The following CIPC variants were observed in gnomAD, a reference collection of about 807,000 sequenced individuals.
CIPC encodes CLOCK interacting pacemaker.
In CIPC, 12 loss-of-function variants were observed where a neutral mutation model predicts 26.7. That is an observed-to-expected ratio of 0.45 (90% CI 0.29 to 0.73). The LOEUF is 0.73. Among genes scored for constraint, CIPC ranks in the 30% least tolerant of loss-of-function variants. The pLI, the probability that CIPC is intolerant of heterozygous loss-of-function variation, is 0.12. For synonymous variants in CIPC, 170 were observed against 189.8 expected (o/e 0.90, Z 0.86); for missense variants, 417 against 486.5 (o/e 0.86, Z 1.34).
chr14:77,101,097 G>C (rs1033190938), intron 1 of CIPC, among the ~76,000 whole-genome samples: 5 of 152,216 alleles, frequency 3.3e-5, no homozygotes, highest in Non-Finnish European at 7.3e-5. Context: ...CAGTGGGTAA[G>C]AGCTTAGTAA....
chr14:77,112,871 C>T (rs1443715907), intron 3 of CIPC, among the ~76,000 whole-genome samples: 4 of 152,044 alleles, frequency 2.6e-5, no homozygotes, highest in East Asian at 3.9e-4. Flanking sequence ...CCACCAAGCC[C>T]AGCTAATTTT....
intron 2 of CIPC, among the ~76,000 whole-genome samples, chr14:77,108,490 G>A (rs1256176443): frequency 3.3e-5 from 5 of 152,014 alleles, no homozygotes; most frequent in Admixed American, 6.6e-5. Flanking sequence ...TCAGGAATTC[G>A]AGACCAGCCT....
At chr14:77,108,643 A>G (rs1025223346) in intron 2 of CIPC, among the ~76,000 whole-genome samples, 10 of 152,000 alleles carry the variant, frequency 6.6e-5, no homozygotes, top group African/African-American at 2.4e-4. Context: ...GTGAGCTAAG[A>G]TCATGCCATT....
At chr14:77,107,565 G>A (rs1306975111) in intron 2 of CIPC, among the ~76,000 whole-genome samples, 2 of 151,698 alleles carry the variant, frequency 1.3e-5, no homozygotes, top group East Asian at 3.9e-4. Flanking sequence ...CTATACAAAA[G>A]CAAATGAATA....
intron 1 of CIPC, chr14:77,099,243 A>C (rs1035573805): frequency 2.0e-5 from 3 of 152,322 alleles, no homozygotes; most frequent in Admixed American, 1.3e-4. Context: ...GCAGCAGGGG[A>C]TCGGAGAAAG....
chr14:77,110,192 G>A (rs1301834370), intron 3 of CIPC, among the ~76,000 whole-genome samples: 7 of 152,006 alleles, frequency 4.6e-5, no homozygotes, highest in Admixed American at 1.3e-4. Context: ...CATGACATGC[G>A]TTCTCATTTT....
chr14:77,114,242 T>C lies in CIPC; in HGVS notation c.1124T>C (p.Leu375Pro), dbSNP rs1886762952. Residue 375 changes from leucine to proline, a missense_variant, in exon 4 of 4, where the codon CTG becomes CCG. Leu to Pro is a moderately conservative substitution (Grantham distance 98). Transcript: ENST00000361786. ...AGGGCCCCTCAGGCTTGGGCCAAGC[T>C]GCAGGCATCTTTAACACCTGGGTCC... The part of the protein sequence containing the change: ...KSRAPQAWAK[L>P]QASLTPGSSN... 6.2e-7 allele frequency: 1 copy of C among 1,613,886 alleles called. No homozygotes were observed. Among genetic ancestry groups the C allele is most frequent in the Admixed American group, 1.7e-5 (1 of 59,974 alleles).
rs990904130 is a variant in CIPC, at chr14:77,105,753, T to C, written c.45T>C (p.Ser15=). The C allele has an allele frequency of 1.9e-6, 3 of 1,614,184 alleles. No homozygotes were observed. Among genetic ancestry groups the C allele is most frequent in the South Asian group, 1.1e-5 (1 of 91,078 alleles). The change falls in exon 2 of 4, where the codon TCT becomes TCC. Residue 15 remains serine (S), a synonymous_variant. Transcript: ENST00000361786. ...CCAGAGAGAGCCCCAGAAGACTCTC[T>C]GCCAAAGTAGGCAAAGGCACAGAGA... ...NPSRESPRRL[S]AKVGKGTEMK...
At chr14:77,103,397 G>T (rs544541411) in intron 1 of CIPC, among the ~76,000 whole-genome samples, 4 of 152,240 alleles carry the variant, frequency 2.6e-5, no homozygotes, top group African/African-American at 7.2e-5. Context: ...TTTGGCAGGG[G>T]GCTTGTGTTT....
chr14:77,103,816 A>G (rs1168979249), intron 1 of CIPC, among the ~76,000 whole-genome samples: 1 of 152,114 alleles, frequency 6.6e-6, no homozygotes. Context: ...CAGTCTCTAC[A>G]TGACCAAATC....
In CIPC at chr14:77,113,892, C is replaced by G; in HGVS notation, c.774C>G (p.Thr258=). The G allele has an allele frequency of 6.2e-7, 1 of 1,614,122 alleles. No homozygotes were observed. ...SSHVAKAPSL[T]FASPASPVCA... ...ACGTGGCTAAAGCTCCCAGTCTGAC[C>G]TTCGCTTCCCCCGCCAGTCCTGTCT... The change falls in exon 4 of 4, where the codon ACC becomes ACG. Residue 258 remains threonine, a synonymous_variant. Transcript: ENST00000361786.
intron 2 of CIPC, among the ~76,000 whole-genome samples, chr14:77,108,391 G>T (rs564437154): frequency 5.9e-5 from 9 of 152,256 alleles, no homozygotes; most frequent in African/African-American, 2.2e-4. Context: ...TACATTGGCG[G>T]TTTAAAAGTG....
intron 1 of CIPC, among the ~76,000 whole-genome samples, chr14:77,104,510 G>A (rs929102314): frequency 2.6e-5 from 4 of 152,214 alleles, no homozygotes; most frequent in Non-Finnish European, 4.4e-5. Flanking sequence ...CCAAGGTATT[G>A]CCTGTCTGTT....
rs370874115 is a variant in CIPC at position 77,113,772 on chromosome 14, C to A, written c.654C>A (p.Pro218=). 27 of 1,613,536 alleles carry A rather than the reference C, an allele frequency of 1.7e-5. No individual in the cohort carries two copies. The highest frequency in any genetic ancestry group is 2.2e-5 in the Non-Finnish European group (26 of 1,179,556). ...CCAGTCCCTCGACGCCAGCACCACCCAGCGCCAAACTTGCCGAGGACTCAG... is the reference window on the plus strand; with the variant it reads ...CCAGTCCCTCGACGCCAGCACCACCAAGCGCCAAACTTGCCGAGGACTCAG... ...VPSSPSTPAP[P]SAKLAEDSAL... Residue 218 remains proline, a synonymous_variant, in exon 4 of 4, where the codon CCC becomes CCA. Transcript: ENST00000361786.
Position 77,103,016 on chromosome 14 carries a change from T to C in CIPC, c.-52-2641T>C, listed in dbSNP as rs1382011636. ...TAGACATTGCTTTTGCATAGTTCTC[T>C]GCAAGTTGTGACAGTGCCACTGTTT... On this transcript the variant is annotated intron_variant, in intron 1 of 3. Coordinates refer to ENST00000361786, the MANE Select transcript of CIPC (RefSeq NM_033426.3). 3.9e-5 allele frequency among the ~76,000 whole-genome samples: 6 copies of C among 152,386 alleles called. No individual in the cohort carries two copies. In the East Asian group the frequency reaches 9.6e-4, roughly 24 times the overall value.
chr14:77,109,871 G>A lies in CIPC; in HGVS notation c.196G>A (p.Ala66Thr), dbSNP rs751883736. The change falls in exon 3 of 4, where the codon GCC becomes ACC. Residue 66 changes from alanine to threonine, a missense_variant. Ala to Thr is a moderately conservative substitution (Grantham distance 58, BLOSUM62 0). Coordinates refer to ENST00000361786, the MANE Select transcript of CIPC (RefSeq NM_033426.3). ...GATGGAGTCCGAGGACATGCTGAGC[G>A]CCTTAGGCTGGAGCAGAGAAGACAG... is the stretch of plus-strand genomic sequence containing the variant. ...EQMESEDMLSALGWSREDRPR... is the reference protein window; with the variant it reads ...EQMESEDMLSTLGWSREDRPR... 3.1e-5 allele frequency: 50 copies of A among 1,614,074 alleles called. No individual in the cohort carries two copies. Among genetic ancestry groups the A allele is most frequent in the Non-Finnish European group, 3.8e-5 (45 of 1,180,042 alleles).
intron 2 of CIPC, among the ~76,000 whole-genome samples, chr14:77,107,660 T>A (rs865820458): frequency 9.2e-5 from 13 of 141,516 alleles, no homozygotes; most frequent in African/African-American, 2.8e-4. Flanking sequence ...ACACACACAC[T>A]CTCTCTCTGA....
intron 1 of CIPC, among the ~76,000 whole-genome samples, chr14:77,101,145 T>G (rs1456193119): frequency 9.2e-5 from 14 of 152,352 alleles, no homozygotes; most frequent in Admixed American, 9.1e-4. Flanking sequence ...GCATGTAACT[T>G]TATTGTAAAC....
intron 3 of CIPC, among the ~76,000 whole-genome samples, chr14:77,110,503 G>A (rs1279603414): frequency 1.3e-5 from 2 of 152,228 alleles, no homozygotes; most frequent in Admixed American, 6.5e-5. Context: ...CCTGGTTCAA[G>A]TATGGGAATA....
Sources: gnomAD v4.1 joint callset for allele counts (sites outside exome capture counted in the v4.1 genomes callset) on GRCh38, gnomAD v4.1.1 for gene constraint, MANE v1.5 for transcripts, NCBI Gene and HGNC (gene_info 2026-07-23, HGNC 2026-07-21) for gene names.